Variants in IP6K2 observed in about 807,000 individuals in gnomAD.
IP6K2 encodes ATP:1D-myo-inositol-hexakisphosphate phosphotransferase.
Under a neutral mutation model 43.3 loss-of-function variants are expected in IP6K2, and 9 were observed. That is an observed-to-expected ratio of 0.21 (90% confidence interval 0.13 to 0.36). IP6K2 has a LOEUF of 0.36. IP6K2 is among the 10% of genes least tolerant of loss of function. The probability of loss-of-function intolerance (pLI) is 1.00; values close to 1 mark genes in which losing one functional copy is unlikely to be tolerated. For missense variants in IP6K2, 332 were observed against 538.4 expected, an observed-to-expected ratio of 0.62 and a Z score of 3.79; for synonymous variants, 209 against 202.4, an observed-to-expected ratio of 1.03 and a Z score of -0.28.
chr3:48,690,267 G>A (rs1456240769), intron 4 of IP6K2, among the ~76,000 whole-genome samples: 1 of 152,204 alleles, frequency 6.6e-6, no homozygotes, highest in Non-Finnish European at 1.5e-5. Flanking sequence ...AGCAGAAACT[G>A]GTAAACTATG....
intron 1 of IP6K2, among the ~76,000 whole-genome samples, chr3:48,705,411 G>A (rs1428745803): frequency 6.6e-6 from 1 of 151,784 alleles, no homozygotes; most frequent in Non-Finnish European, 1.5e-5. Flanking sequence ...GGGCGCGGTG[G>A]CTCACATCTG....
At chr3:48,708,637 CCCA>C (rs1325249564) in intron 1 of IP6K2, among the ~76,000 whole-genome samples, 2 of 133,186 alleles carry the variant, frequency 1.5e-5, no homozygotes, top group Non-Finnish European at 3.3e-5. Context: ...TCTCCAGTCT[CCCA>C]CCACATTGTA....
chr3:48,709,181 A>G (rs1559559263), intron 1 of IP6K2, among the ~76,000 whole-genome samples: 1 of 152,242 alleles, frequency 6.6e-6, no homozygotes, highest in Non-Finnish European at 1.5e-5. Context: ...CAAATGACAC[A>G]TGAATTCATC....
chr3:48,699,824 T>C (rs1259691984), intron 1 of IP6K2: 1 of 152,130 alleles, frequency 6.6e-6, no homozygotes, highest in Non-Finnish European at 1.5e-5. Context: ...AGAGTAGATC[T>C]CTACTCTGTG....
chr3:48,695,628 C>T lies in IP6K2; in HGVS notation c.-130-207G>A, dbSNP rs557511763. On this transcript the variant is annotated intron_variant, in intron 1 of 5. Transcript: ENST00000328631. This position sits in a 1 kb window ranked among gnomAD's most constrained non-coding sequence, Gnocchi z 4.6. ...CTCATGGGGCGGGGTTAGATGCAGA[C>T]AGGCAGGGAATGGGTTCAGGGGCCC... is the stretch of plus-strand genomic sequence containing the variant. The T allele has an allele frequency of 1.5e-5, 8 of 543,152 alleles. No individual in the cohort carries two copies. Among genetic ancestry groups the T allele is most frequent in the Non-Finnish European group, 2.2e-5 (8 of 357,436 alleles). The allele number at this position is 543,152 out of a possible 1,614,324, so 33.6% of individuals were successfully genotyped here.
At chr3:48,704,419 G>T (rs917402585) in intron 1 of IP6K2, among the ~76,000 whole-genome samples, 1 of 151,770 alleles carries the variant, frequency 6.6e-6, no homozygotes, top group African/African-American at 2.4e-5. Context: ...AGGATAGCAT[G>T]AAGAGCTTTC....
rs1034992379 is a variant in IP6K2, at chr3:48,689,440, C to T, written c.780+98G>A. The T allele has an allele frequency of 8.4e-6, 11 of 1,315,726 alleles. No homozygotes were observed. In the East Asian group the frequency reaches 1.9e-4, roughly 23 times the overall value. The allele number at this position is 1,315,726 out of a possible 1,614,324, so 81.5% of individuals were successfully genotyped here. The stretch of plus-strand genomic sequence containing the variant: ...GTGCTGGGATTACAGGTGTGAGCCA[C>T]TGCACCTGGCCTGGAATCTTTTGAG... On this transcript the variant is annotated intron_variant, in intron 5 of 5. Transcript: ENST00000328631.
Position 48,688,200 on chromosome 3 carries a change from G to A in IP6K2, c.*73C>T. On this transcript the variant is annotated 3_prime_UTR_variant, in exon 6 of 6. Transcript: ENST00000328631. This position sits in a 1 kb window ranked among gnomAD's most constrained non-coding sequence, Gnocchi z 5.1. ...CAGGAGCCACCACCTGGCCATACTG[G>A]CTTCCTCCCTGACGCAGCACAGCTG... 6.5e-7 allele frequency: 1 copy of A among 1,545,026 alleles called. No homozygotes were observed. Among genetic ancestry groups the A allele is most frequent in the Non-Finnish European group, 8.8e-7 (1 of 1,133,260 alleles).
At position 48,691,386 on chromosome 3, in the gene IP6K2, G is replaced by A; in HGVS notation, c.525C>T (p.His175=). The A allele has an allele frequency of 6.2e-7, 1 of 1,613,428 alleles. No individual in the cohort carries two copies. The highest frequency in any genetic ancestry group is 8.5e-7 in the Non-Finnish European group (1 of 1,179,340). ...KKGNISSQLK[H]YNPWSMKCHQ... ...GACATTTCATGCTCCAAGGGTTATA[G>A]TGTTTAAGCTGGGAACTTATATTCC... is the stretch of plus-strand genomic sequence containing the variant. The change falls in exon 4 of 6, where the codon CAC becomes CAT. Residue 175 remains histidine (H), a synonymous_variant. Coordinates refer to ENST00000328631, the MANE Select transcript of IP6K2 (RefSeq NM_016291.4).
At chr3:48,711,864 T>C (rs926217387) in intron 1 of IP6K2, among the ~76,000 whole-genome samples, 5 of 152,102 alleles carry the variant, frequency 3.3e-5, no homozygotes, top group African/African-American at 1.2e-4. Flanking sequence ...TCAAGAAATA[T>C]GATGACTCTT....
chr3:48,706,546 C>T (rs536429739), intron 1 of IP6K2, among the ~76,000 whole-genome samples: 1 of 152,186 alleles, frequency 6.6e-6, no homozygotes, highest in East Asian at 1.9e-4. Flanking sequence ...TGTAATATTG[C>T]TATTATAGAA....
rs781760039 is a variant in IP6K2, at chr3:48,688,420, A to G, written c.1134T>C (p.Asp378=). The part of the protein sequence containing the change: ...AYKPIGASSV[D]VRMIDFAHTT... ...TGTGTGCAAAGTCGATCATGCGCAC[A>G]TCTACAGAGCTGGCGCCGATGGGTT... Residue 378 remains aspartate, a synonymous_variant, in exon 6 of 6, where the codon GAT becomes GAC. Transcript: ENST00000328631. The surrounding 1 kb of genome is among the most constrained non-coding windows in gnomAD (Gnocchi z 5.1). 5 of 1,614,190 alleles carry G rather than the reference A, an allele frequency of 3.1e-6. No homozygotes were observed. Among genetic ancestry groups the G allele is most frequent in the Non-Finnish European group, 4.2e-6 (5 of 1,180,024 alleles).
chr3:48,696,372 C>T (rs759858938), intron 1 of IP6K2, among the ~76,000 whole-genome samples: 1 of 152,090 alleles, frequency 6.6e-6, no homozygotes, highest in African/African-American at 2.4e-5. Context: ...ACATCTGTAT[C>T]TAAAAACAAC....
chr3:48,716,393 A>C (rs1184337329), intron 1 of IP6K2: 1 of 152,210 alleles, frequency 6.6e-6, no homozygotes, highest in Non-Finnish European at 1.5e-5. Flanking sequence ...ATTTAAGAGC[A>C]CTGGATTTTA....
intron 1 of IP6K2, among the ~76,000 whole-genome samples, chr3:48,697,920 G>A (rs548063681): frequency 6.6e-5 from 10 of 152,228 alleles, no homozygotes; most frequent in Admixed American, 2.0e-4. Flanking sequence ...GAGAGTACCC[G>A]ACTATGGGCC....
Position 48,688,520 on chromosome 3 carries a change from A to C in IP6K2, c.1034T>G (p.Leu345Arg). 1.2e-6 allele frequency: 2 copies of C among 1,614,238 alleles called. No homozygotes were observed. Among genetic ancestry groups the C allele is most frequent in the Non-Finnish European group, 1.7e-6 (2 of 1,180,040 alleles). Reference protein sequence around the residue: ...YDGKERPEVVLDSDAEDLEDL... With the variant: ...YDGKERPEVVRDSDAEDLEDL... The stretch of plus-strand genomic sequence containing the variant: ...CTCCAAATCCTCAGCATCTGAGTCC[A>C]GGACCACTTCGGGCCGCTCCTTGCC... Residue 345 changes from leucine (L) to arginine (R), a missense_variant, in exon 6 of 6, where the codon CTG becomes CGG. By Grantham distance (102) the Leu-to-Arg change is moderately radical. Transcript: ENST00000328631. This position sits in a 1 kb window ranked among gnomAD's most constrained non-coding sequence, Gnocchi z 5.1.
intron 1 of IP6K2, among the ~76,000 whole-genome samples, chr3:48,704,816 T>C (rs377347455): frequency 9.9e-5 from 15 of 151,924 alleles, no homozygotes; most frequent in African/African-American, 3.6e-4. Flanking sequence ...TCTTGCTCTG[T>C]TGCCCAGGCT....
chr3:48,711,572 A>G (rs890424708), intron 1 of IP6K2: 3 of 152,228 alleles, frequency 2.0e-5, no homozygotes, highest in Non-Finnish European at 4.4e-5. Context: ...TCTCCTTTAG[A>G]GGCACTTGCC....
At chr3:48,716,389 G>GTTC (rs1237789539) in intron 1 of IP6K2, 1 of 152,154 alleles carries the variant, frequency 6.6e-6, no homozygotes, top group Non-Finnish European at 1.5e-5. Flanking sequence ...TGGTATTTAA[G>GTTC]AGCACTGGAT....
Sources: allele counts gnomAD v4.1 joint callset (sites outside exome capture counted in the v4.1 genomes callset), GRCh38; gene constraint gnomAD v4.1.1; non-coding constraint Gnocchi (gnomAD v3.1); transcripts MANE v1.5; gene names NCBI Gene and HGNC (gene_info 2026-07-23, HGNC 2026-07-21).